TECTA: variants seen among roughly 807,000 people sequenced by gnomAD.
TECTA encodes tectorin alpha, also known as alpha-tectorin.
TECTA carries 128 observed loss-of-function variants against 216.8 expected under a neutral mutation model. The observed-to-expected ratio is 0.59, with a 90% confidence interval of 0.51 to 0.68. The LOEUF (loss-of-function observed/expected upper bound fraction) is 0.68, where lower values mean the gene tolerates loss of function less well. Among genes scored for constraint, TECTA ranks in the 30% least tolerant of loss-of-function variants. The pLI is 0.00. For synonymous variants in TECTA, 1,089 were observed against 1,117.1 expected, an observed-to-expected ratio of 0.97 and a Z score of 0.50; for missense variants, 2,551 against 2,786.2, an observed-to-expected ratio of 0.92 and a Z score of 1.90.
rs552924190 is a variant in TECTA at position 121,147,417 on chromosome 11, C to T, written c.4105+1301C>T. Among the ~76,000 whole-genome samples, 19 of 152,154 alleles carry T rather than the reference C, an allele frequency of 1.2e-4. No individual in the cohort carries two copies. In the East Asian group the frequency reaches 1.7e-3, roughly 14 times the overall value. ...GGGAAGGGTGGGAGGAAGATGAAGG[C>T]GGGGAACAGATGCCATCCCATTTCA... On this transcript the variant is annotated intron_variant, in intron 12 of 23. Coordinates refer to ENST00000392793, the MANE Select transcript of TECTA (RefSeq NM_005422.4).
chr11:121,124,923 G>A (rs1449469384), intron 7 of TECTA, among the ~76,000 whole-genome samples: 1 of 152,216 alleles, frequency 6.6e-6, no homozygotes, highest in Non-Finnish European at 1.5e-5. Context: ...CTTAAGCTGA[G>A]ACTTAAAGAA....
At chr11:121,183,760 A>G (rs964799440) in intron 20 of TECTA, among the ~76,000 whole-genome samples, 8 of 152,172 alleles carry the variant, frequency 5.3e-5, no homozygotes, top group South Asian at 2.1e-4. Context: ...TTGATCTAGC[A>G]TATTGTTGAA....
chr11:121,113,694 C>T lies in TECTA; in HGVS notation c.766C>T (p.Pro256Ser). 1 of 1,613,680 alleles carries T rather than the reference C, an allele frequency of 6.2e-7. No homozygotes were observed. Among genetic ancestry groups the T allele is most frequent in the African/African-American group, 1.3e-5 (1 of 74,994 alleles). The change falls in exon 6 of 24, where the codon CCA becomes TCA. Residue 256 changes from proline (P) to serine (S), a missense_variant. Physicochemically the swap from Pro to Ser is moderately conservative, Grantham distance 74. This residue lies in a region of TECTA where 2,375 missense variants were observed against 2,563.9 expected (regional missense o/e 0.93). Coordinates refer to ENST00000392793, the MANE Select transcript of TECTA (RefSeq NM_005422.4). This position sits in a 1 kb window ranked among gnomAD's most constrained non-coding sequence, Gnocchi z 4.2. ...AFKVDGKEID[P>S]ANGCTSRGQF... is the part of the protein sequence containing the mutation. ...TAAAGTTGATGGAAAGGAAATTGAC[C>T]CAGCCAATGGCTGCACCTCAAGGGG...
intron 10 of TECTA, 63 bp from the exon 11 acceptor site, chr11:121,137,358 G>C: frequency 1.9e-6 from 3 of 1,608,946 alleles, no homozygotes; most frequent in Non-Finnish European, 2.5e-6. Flanking sequence ...ATGCATGCAC[G>C]CACACTTCTG....
In TECTA at chr11:121,168,612, A is replaced by T; in HGVS notation, c.5751-65A>T. The T allele has an allele frequency of 1.2e-5, 20 of 1,613,298 alleles. 1 individual carries two copies. Among genetic ancestry groups the T allele is most frequent in the Middle Eastern group, 3.3e-4 (2 of 6,060 alleles). ...TTCCCTCTGCATTCTCAGCCTGAAAAATGGTAGGTAATTGAATAGGTAACA... is the reference window on the plus strand; with the variant it reads ...TTCCCTCTGCATTCTCAGCCTGAAATATGGTAGGTAATTGAATAGGTAACA... On this transcript the variant is annotated intron_variant, in intron 19 of 23. Coordinates refer to ENST00000392793, the MANE Select transcript of TECTA (RefSeq NM_005422.4).
At position 121,191,165 on chromosome 11, in the gene TECTA, T is replaced by C. The variant is rs1947336640; in HGVS notation, c.*359T>C. 3.1e-6 allele frequency: 1 copy of C among 320,534 alleles called. No homozygotes were observed. The highest frequency in any genetic ancestry group is 6.0e-6 in the Non-Finnish European group (1 of 166,360). The allele number at this position is 320,534 out of a possible 1,614,324, so 19.9% of individuals were successfully genotyped here. A position where few individuals can be genotyped will look rare whatever the true frequency, so the allele number is the denominator to read the frequency against. ...AAATCTGTCAAGCCAGTGCTATTTC[T>C]GGATCACAGTTTTTTACAGAGAGAG... On this transcript the variant is annotated 3_prime_UTR_variant, in exon 24 of 24. Coordinates refer to ENST00000392793, the MANE Select transcript of TECTA (RefSeq NM_005422.4).
intron 3 of TECTA, among the ~76,000 whole-genome samples, chr11:121,106,450 A>T (rs1268089928): frequency 6.6e-6 from 1 of 152,204 alleles, no homozygotes; most frequent in Non-Finnish European, 1.5e-5. Context: ...CACCCTCAAT[A>T]TGGGTCTGTA....
intron 11 of TECTA, among the ~76,000 whole-genome samples, chr11:121,138,895 C>T (rs1436454133): frequency 6.6e-6 from 1 of 152,194 alleles, no homozygotes; most frequent in African/African-American, 2.4e-5. Flanking sequence ...AGGTCTGTGT[C>T]ATAATTTTTC....
intron 15 of TECTA, among the ~76,000 whole-genome samples, chr11:121,161,694 G>A (rs529958443): frequency 6.6e-6 from 1 of 150,560 alleles, no homozygotes; most frequent in African/African-American, 2.4e-5. Context: ...TTAATTCCAC[G>A]AGGTATCATT....
chr11:121,138,475 A>G (rs145497419), intron 11 of TECTA, among the ~76,000 whole-genome samples: 48 of 152,168 alleles, frequency 3.2e-4, no homozygotes, highest in Middle Eastern at 6.8e-3. Flanking sequence ...CTTTTTTGAG[A>G]TCAGGGTGAT....
chr11:121,160,021 A>T, intron 14 of TECTA, 114 bp from the exon 15 acceptor site: 3 of 1,187,454 alleles, frequency 2.5e-6, no homozygotes, highest in Non-Finnish European at 3.7e-6. Context: ...GGAGTCGTTG[A>T]GACAGAGATC....
At position 121,189,860 on chromosome 11, in the gene TECTA, A is replaced by G. The variant is rs1947324838; in HGVS notation, c.6347A>G (p.Glu2116Gly). ...LCSCVTGTLQ[E>G]DGKSCRASNS... is the part of the protein sequence containing the mutation. ...AGCTGTGTAACAGGAACCCTGCAGG[A>G]GGACGGCAAGAGCTGCAGAGGTAGA... Residue 2116 changes from glutamate (E) to glycine (G), a missense_variant, in exon 23 of 24, where the codon GAG becomes GGG. Glu to Gly is a moderately conservative substitution (Grantham distance 98, BLOSUM62 -2). Around this residue, in one of 3 missense-constraint regions of TECTA, gnomAD observed 118 missense variants for 116.4 expected, o/e 1.01. Coordinates refer to ENST00000392793, the MANE Select transcript of TECTA (RefSeq NM_005422.4). 6.2e-7 allele frequency: 1 copy of G among 1,613,256 alleles called. No individual in the cohort carries two copies. Among genetic ancestry groups the G allele is most frequent in the Non-Finnish European group, 8.5e-7 (1 of 1,179,878 alleles).
intron 21 of TECTA, 50 bp from the exon 22 acceptor site, chr11:121,189,030 G>T: frequency 1.3e-6 from 2 of 1,587,656 alleles, no homozygotes; most frequent in Non-Finnish European, 1.7e-6. Flanking sequence ...TGAAGAATAA[G>T]TTATCAGCTT....
In TECTA at chr11:121,113,765, A is replaced by G. The variant is rs1243854301; in HGVS notation, c.790+47A>G. The G allele has an allele frequency of 6.2e-6, 10 of 1,609,836 alleles. No individual in the cohort carries two copies. Among genetic ancestry groups the G allele is most frequent in the Non-Finnish European group, 6.8e-6 (8 of 1,178,936 alleles). ...TGGCAAGGCAGGGTTTGTTTAGTGT[A>G]GATTGACAGGCAAGCTTTTAAGCCA... On this transcript the variant is annotated intron_variant, in intron 6 of 23. Transcript: ENST00000392793. The surrounding 1 kb of genome is among the most constrained non-coding windows in gnomAD (Gnocchi z 4.2).
At chr11:121,190,046 C>T (rs1178859322) in intron 23 of TECTA, 166 bp downstream of exon 23, 8 of 638,030 alleles carry the variant, frequency 1.3e-5, no homozygotes, top group Admixed American at 2.6e-5. Flanking sequence ...ATTCTAGGGC[C>T]ATTAAACAAA....
intron 21 of TECTA, 141 bp downstream of exon 21, chr11:121,188,135 G>T (rs1947306089): frequency 5.9e-6 from 5 of 848,164 alleles, no homozygotes; most frequent in Admixed American, 2.3e-5. Context: ...TGATGGGACA[G>T]TGAGAGAAAA....
intron 15 of TECTA, among the ~76,000 whole-genome samples, chr11:121,161,751 T>C (rs1382991581): frequency 1.3e-5 from 2 of 151,474 alleles, no homozygotes; most frequent in African/African-American, 4.9e-5. Context: ...TAATGGTTAT[T>C]ATATCAATCA....
chr11:121,166,683 T>C lies in TECTA; in HGVS notation c.5489T>C (p.Val1830Ala). Residue 1830 changes from valine (V) to alanine (A), a missense_variant, in exon 18 of 24, where the codon GTG (valine) becomes GCG (alanine). Val to Ala is a moderately conservative substitution (Grantham distance 64, BLOSUM62 0). Around this residue, in one of 3 missense-constraint regions of TECTA, gnomAD observed 2,375 missense variants for 2,563.9 expected, o/e 0.93. Coordinates refer to ENST00000392793, the MANE Select transcript of TECTA (RefSeq NM_005422.4). ...CAGCTCGGTTTTGAGAGGGAGGGCG[T>C]GAGGATCAATGACAGACAGTGCACC... ...LFQLGFEREG[V>A]RINDRQCTGI... 6.2e-7 allele frequency: 1 copy of C among 1,614,096 alleles called. No individual in the cohort carries two copies. Among genetic ancestry groups the C allele is most frequent in the Non-Finnish European group, 8.5e-7 (1 of 1,180,028 alleles).
chr11:121,132,015 A>G (rs1946680072), intron 10 of TECTA, among the ~76,000 whole-genome samples: 1 of 152,204 alleles, frequency 6.6e-6, no homozygotes, highest in Non-Finnish European at 1.5e-5. Flanking sequence ...CATATAATTA[A>G]TACATATTTT....
Sources: gnomAD v4.1 joint callset for allele counts (sites outside exome capture counted in the v4.1 genomes callset) on GRCh38, gnomAD v4.1.1 for gene constraint, gnomAD v4.1.1 regional missense constraint, Gnocchi (gnomAD v3.1) non-coding constraint, MANE v1.5 for transcripts, NCBI Gene and HGNC (gene_info 2026-07-23, HGNC 2026-07-21) for gene names.